UBE2O: variants seen among roughly 807,000 people sequenced by gnomAD.
UBE2O encodes the protein ubiquitin conjugating enzyme E2 O.
A neutral mutation model predicts 125.8 loss-of-function variants in UBE2O; 15 were observed. The ratio of observed to expected loss-of-function variants is 0.12; its 90% CI spans 0.08 to 0.18. The LOEUF is 0.18. Ranked by LOEUF, UBE2O falls within the 10% of genes least tolerant of loss-of-function variation. The pLI is 1.00. For synonymous variants in UBE2O, 708 were observed against 703.2 expected (o/e 1.01, Z -0.11); for missense variants, 1,280 against 1,723.6 (o/e 0.74, Z 4.56).
At chr17:76,429,316 C>G (rs62084972) in intron 1 of UBE2O, among the ~76,000 whole-genome samples, 50,957 of 151,286 alleles carry the variant, frequency 0.34, 10,473 homozygotes, top group Non-Finnish European at 0.46. Flanking sequence ...CTGAGGTGGG[C>G]AGATCACTTG....
chr17:76,440,547 C>T (rs918697404), intron 1 of UBE2O, among the ~76,000 whole-genome samples: 17 of 152,176 alleles, frequency 1.1e-4, no homozygotes, highest in Admixed American at 6.5e-4. Flanking sequence ...AGGCTGGTCT[C>T]GAACTCCTGG....
At chr17:76,411,134 C>G (rs185423054) in intron 1 of UBE2O, among the ~76,000 whole-genome samples, 22 of 152,300 alleles carry the variant, frequency 1.4e-4, no homozygotes, top group African/African-American at 4.1e-4. Flanking sequence ...CCACCTGTCT[C>G]CTGAATAGCT....
intron 5 of UBE2O, 190 bp downstream of exon 5, chr17:76,401,874 A>C: frequency 1.0e-5 from 1 of 99,734 alleles, no homozygotes; most frequent in South Asian, 3.5e-4. Flanking sequence ...ACTCTGTCTC[A>C]AAAAAAAAAA....
Position 76,398,291 on chromosome 17 carries a change from G to T in UBE2O, c.1989C>A (p.Gly663=). Residue 663 remains glycine, a synonymous_variant, in exon 12 of 18, where the codon GGC becomes GGA. Coordinates refer to ENST00000319380, the MANE Select transcript of UBE2O (RefSeq NM_022066.4). The surrounding 1 kb of genome is among the most constrained non-coding windows in gnomAD (Gnocchi z 5.4). ...TGTGAGGAGCCCCATCCTCAGTATT[G>T]CCGATGCGGATGACGATGTCAGTTG... ...FRTTDIVIRI[G]NTEDGAPHKE... 2 of 1,614,168 alleles carry T rather than the reference G, an allele frequency of 1.2e-6. No individual in the cohort carries two copies. Among genetic ancestry groups the T allele is most frequent in the Non-Finnish European group, 1.7e-6 (2 of 1,180,020 alleles).
At chr17:76,403,469 G>A (rs1046169719) in intron 3 of UBE2O, among the ~76,000 whole-genome samples, 3 of 151,876 alleles carry the variant, frequency 2.0e-5, no homozygotes, top group African/African-American at 7.3e-5. Context: ...ATGGGGTTTC[G>A]CCATGTTGCC....
At chr17:76,392,199 CT>C in intron 15 of UBE2O, 86 bp from the exon 16 acceptor site, 1 of 824,064 alleles carries the variant, frequency 1.2e-6, no homozygotes, top group South Asian at 2.0e-5. Context: ...TGCACCTGCT[CT>C]TTCCCAGGAC....
chr17:76,416,033 ATATGTG>A (rs2072604107), intron 1 of UBE2O, among the ~76,000 whole-genome samples: 2 of 149,576 alleles, frequency 1.3e-5, no homozygotes, highest in African/African-American at 2.5e-5. Flanking sequence ...ACACACGTAT[ATATGTG>A]TGTGTACATA....
In UBE2O at chr17:76,401,231, C is replaced by T. The variant is rs1598588096; in HGVS notation, c.751-77G>A. On this transcript the variant is annotated intron_variant, in intron 5 of 17. Transcript: ENST00000319380. ...TGACCATGCTCTCCACGCCTGTGCC[C>T]GCTGGCTGCCCACCTGCAGAAGCCC... The T allele has an allele frequency of 1.2e-5, 19 of 1,538,392 alleles. No homozygotes were observed. In the East Asian group the frequency reaches 1.4e-4, roughly 11 times the overall value.
At chr17:76,449,688 G>A (rs111545387) in intron 1 of UBE2O, among the ~76,000 whole-genome samples, 5 of 152,164 alleles carry the variant, frequency 3.3e-5, no homozygotes, top group African/African-American at 1.2e-4. Flanking sequence ...GGAGGCCGAG[G>A]CGGGCGGATC....
Position 76,404,522 on chromosome 17 carries a change from T to C in UBE2O, c.588+684A>G, listed in dbSNP as rs77500959. Among the ~76,000 whole-genome samples the C allele has an allele frequency of 3.3e-5, 5 of 152,340 alleles. No individual in the cohort carries two copies. The highest frequency in any genetic ancestry group is 7.3e-5 in the Non-Finnish European group (5 of 68,040). ...GAAGAGATGACAACTCAATGCAAGA[T>C]GTGTTCCTGAATTGGGTCCTGGATC... is the stretch of plus-strand genomic sequence containing the variant. On this transcript the variant is annotated intron_variant, in intron 3 of 17. Transcript: ENST00000319380. The surrounding 1 kb of genome is among the most constrained non-coding windows in gnomAD (Gnocchi z 4.3).
rs2072094678 is a variant in UBE2O at position 76,390,793 on chromosome 17, A to G, written c.*150T>C. On this transcript the variant is annotated 3_prime_UTR_variant, in exon 18 of 18. Transcript: ENST00000319380. ...GGCAGCATCTCAACACACTTCTTGC[A>G]CTTCAGCATCAAACTCACCTTGGGG... 1.4e-6 allele frequency: 1 copy of G among 724,262 alleles called. No individual in the cohort carries two copies. The highest frequency in any genetic ancestry group is 2.2e-6 in the Non-Finnish European group (1 of 458,270). 44.9% of individuals were successfully genotyped at this position (724,262 alleles called of 1,614,324 possible). A position where few individuals can be genotyped will look rare whatever the true frequency, so the allele number is the denominator to read the frequency against.
At chr17:76,420,574 A>G (rs1166905179) in intron 1 of UBE2O, among the ~76,000 whole-genome samples, 2 of 152,150 alleles carry the variant, frequency 1.3e-5, no homozygotes, top group African/African-American at 4.8e-5. Context: ...TGGAATGACT[A>G]TGTCAAAACA....
In UBE2O at chr17:76,398,852, C is replaced by T; in HGVS notation, c.1768G>A (p.Val590Met). The change falls in exon 10 of 18, where the codon GTG becomes ATG. Residue 590 changes from valine to methionine, a missense_variant. Val to Met is a conservative substitution (Grantham distance 21). Around this residue, in one of 10 missense-constraint regions of UBE2O, gnomAD observed 145 missense variants for 219.6 expected, o/e 0.66. Coordinates refer to ENST00000319380, the MANE Select transcript of UBE2O (RefSeq NM_022066.4). The surrounding 1 kb of genome is among the most constrained non-coding windows in gnomAD (Gnocchi z 5.4). ...DNNEFCPGDF[V>M]VDKRVQSCPD... The stretch of plus-strand genomic sequence containing the variant: ...CTGGCACTACCTCGCTTATCTACCA[C>T]GAAGTCTCCAGGGCAGAACTCGTTG... The T allele has an allele frequency of 1.2e-6, 2 of 1,613,888 alleles. No individual in the cohort carries two copies. The highest frequency in any genetic ancestry group is 8.5e-7 in the Non-Finnish European group (1 of 1,179,884).
Position 76,453,124 on chromosome 17 carries a change from G to A in UBE2O, c.18C>T (p.Ala6=), listed in dbSNP as rs1013537269. ...CTGGAGCGGGAGCTGCGGGCGTGGG[G>A]GCTGCGGGATCCGCCATAACTGCTC... The part of the protein sequence containing the change: MADPA[A]PTPAAPAPAQ... Residue 6 remains alanine, a synonymous_variant, in exon 1 of 18, where the codon GCC becomes GCT. Transcript: ENST00000319380. 5.6e-4 allele frequency: 422 copies of A among 747,208 alleles called. 12 individuals carry two copies. The Admixed American group carries it at 0.013, about 24-fold the overall frequency. 46.3% of individuals were successfully genotyped at this position (747,208 alleles called of 1,614,324 possible).
At chr17:76,425,604 C>T (rs2072799047) in intron 1 of UBE2O, among the ~76,000 whole-genome samples, 1 of 152,192 alleles carries the variant, frequency 6.6e-6, no homozygotes, top group Non-Finnish European at 1.5e-5. Context: ...AAGCCCTTTG[C>T]CTGTACTCCA....
rs373727300 is a variant in UBE2O, at chr17:76,396,381, C to T, written c.2556G>A (p.Lys852=). Residue 852 remains lysine, a synonymous_variant, in exon 14 of 18, where the codon AAG becomes AAA. Coordinates refer to ENST00000319380, the MANE Select transcript of UBE2O (RefSeq NM_022066.4). The surrounding 1 kb of genome is among the most constrained non-coding windows in gnomAD (Gnocchi z 6.7). ...VEPEKPTREK[K]FLDDIKKLQE... is the part of the protein sequence containing the mutation. ...GTAGCTTCTTGATGTCATCCAGAAA[C>T]TTCTTCTCCCGAGTTGGCTTCTCAG... 7.1e-5 allele frequency: 115 copies of T among 1,614,080 alleles called. No homozygotes were observed. Among genetic ancestry groups the T allele is most frequent in the Non-Finnish European group, 8.6e-5 (101 of 1,180,050 alleles).
At chr17:76,394,603 C>A (rs900363994) in intron 15 of UBE2O, among the ~76,000 whole-genome samples, 6 of 152,080 alleles carry the variant, frequency 3.9e-5, no homozygotes, top group African/African-American at 1.4e-4. Context: ...ATATTATGTA[C>A]TTATGGTGAT....
rs553736862 is a variant in UBE2O at position 76,402,779 on chromosome 17, C to T, written c.589-80G>A. On this transcript the variant is annotated intron_variant, in intron 3 of 17. Transcript: ENST00000319380. The surrounding 1 kb of genome is among the most constrained non-coding windows in gnomAD (Gnocchi z 5.4). Reference sequence around the variant, plus strand: ...GGGCACAGATTCCTCTATGCCCCACCGAAGACAGGATGGGGGAGGATCTAG... The same window carrying T: ...GGGCACAGATTCCTCTATGCCCCACTGAAGACAGGATGGGGGAGGATCTAG... 662 of 1,209,304 alleles carry T rather than the reference C, an allele frequency of 5.5e-4. 8 individuals are homozygous for T. The South Asian group carries it at 6.8e-3, about 12-fold the overall frequency. 74.9% of individuals were successfully genotyped at this position (1,209,304 alleles called of 1,614,324 possible).
At chr17:76,432,917 CAAAG>C (rs1404806717) in intron 1 of UBE2O, among the ~76,000 whole-genome samples, 1 of 152,176 alleles carries the variant, frequency 6.6e-6, no homozygotes, top group Non-Finnish European at 1.5e-5. Context: ...TGGCTATAAA[CAAAG>C]TGACAGTCAC....
Sources: allele counts gnomAD v4.1 joint callset (sites outside exome capture counted in the v4.1 genomes callset), GRCh38; gene constraint gnomAD v4.1.1; regional missense constraint gnomAD v4.1.1; non-coding constraint Gnocchi (gnomAD v3.1); transcripts MANE v1.5; gene names NCBI Gene and HGNC (gene_info 2026-07-23, HGNC 2026-07-21).